The following EXOC2 variants were observed in gnomAD, a reference collection of about 807,000 sequenced individuals.
The protein encoded by EXOC2 is SEC5-like 1.
Under a neutral mutation model 131.8 loss-of-function variants are expected in EXOC2, and 70 were observed. That is an observed-to-expected ratio of 0.53 (90% confidence interval 0.44 to 0.65). The LOEUF (loss-of-function observed/expected upper bound fraction) is 0.65, where lower values mean the gene tolerates loss of function less well. Among genes scored for constraint, EXOC2 ranks in the 30% least tolerant of loss-of-function variants. The probability of loss-of-function intolerance (pLI) is 0.00; values close to 1 mark genes in which losing one functional copy is unlikely to be tolerated. For missense variants in EXOC2, 923 were observed against 1,108.6 expected (o/e 0.83, Z 2.38); for synonymous variants, 411 against 398.4 (o/e 1.03, Z -0.38).
At position 556,484 on chromosome 6, in the gene EXOC2, A is replaced by G. The variant is rs1346000082; in HGVS notation, c.1932T>C (p.Ser644=). ...GTCCAAGCGGAGCTGGAATACTTAC[A>G]CTGGCCTCTCCCGGCTTGCACTCCA... ...GVLECKPGEA[S]VFQQPKTQEE... Residue 644 remains serine, a splice_region_variant and synonymous_variant, in exon 18 of 28, where the codon AGT becomes AGC. Transcript: ENST00000230449. The G allele has an allele frequency of 6.2e-7, 1 of 1,613,896 alleles. No homozygotes were observed.
chr6:636,586 T>C (rs1222722954), intron 2 of EXOC2, among the ~76,000 whole-genome samples: 3 of 152,198 alleles, frequency 2.0e-5, no homozygotes, highest in Admixed American at 6.5e-5. Context: ...AAAACCAATC[T>C]ATCAACCAGC....
intron 25 of EXOC2, among the ~76,000 whole-genome samples, chr6:491,687 G>C (rs1763443870): frequency 1.3e-5 from 2 of 152,100 alleles, no homozygotes; most frequent in Admixed American, 1.3e-4. Flanking sequence ...TAAAATCACA[G>C]CTGCTTTTTT....
intron 23 of EXOC2, among the ~76,000 whole-genome samples, chr6:517,219 C>A (rs150684760): frequency 4.6e-5 from 7 of 152,038 alleles, no homozygotes; most frequent in Non-Finnish European, 8.8e-5. Context: ...TTCCTCCCAA[C>A]GGCTGATTCT....
intron 25 of EXOC2, among the ~76,000 whole-genome samples, chr6:493,387 GA>G (rs1377542648): frequency 1.3e-5 from 2 of 152,034 alleles, no homozygotes; most frequent in Non-Finnish European, 2.9e-5. Context: ...GACCTACCAG[GA>G]AAAAAGGTAG....
At chr6:682,096 C>G (rs951911617) in intron 1 of EXOC2, among the ~76,000 whole-genome samples, 2 of 152,212 alleles carry the variant, frequency 1.3e-5, no homozygotes, top group African/African-American at 4.8e-5. Flanking sequence ...TGACACAGCA[C>G]TGCAGAAAAG....
Position 555,990 on chromosome 6 carries a change from C to T in EXOC2, c.1956G>A (p.Gln652=). ...TGATGCTTAGCTGGCAAACCTCCTCCTGTGTTTTAGGTTGTTGGAAGACCT... is the reference window on the plus strand; with the variant it reads ...TGATGCTTAGCTGGCAAACCTCCTCTTGTGTTTTAGGTTGTTGGAAGACCT... ...EASVFQQPKT[Q]EEVCQLSINI... Residue 652 remains glutamine, a synonymous_variant, in exon 19 of 28, where the codon CAG becomes CAA. Coordinates refer to ENST00000230449, the MANE Select transcript of EXOC2 (RefSeq NM_018303.6). 6.2e-7 allele frequency: 1 copy of T among 1,614,118 alleles called. No homozygotes were observed. The highest frequency in any genetic ancestry group is 8.5e-7 in the Non-Finnish European group (1 of 1,180,008).
chr6:567,376 A>G (rs1758022987), intron 13 of EXOC2, among the ~76,000 whole-genome samples: 1 of 152,188 alleles, frequency 6.6e-6, no homozygotes, highest in African/African-American at 2.4e-5. Flanking sequence ...TATCACCTCC[A>G]GAGAGCGGCC....
chr6:621,156 C>T (rs983932435), intron 4 of EXOC2, among the ~76,000 whole-genome samples: 1 of 152,216 alleles, frequency 6.6e-6, no homozygotes, highest in African/African-American at 2.4e-5. Flanking sequence ...GGTGCTTGCA[C>T]ACCTGGACAT....
At chr6:614,422 G>A (rs1015653615) in intron 6 of EXOC2, among the ~76,000 whole-genome samples, 1 of 152,210 alleles carries the variant, frequency 6.6e-6, no homozygotes, top group African/African-American at 2.4e-5. Flanking sequence ...ATTCCACTGG[G>A]AGACTACTGG....
intron 21 of EXOC2, among the ~76,000 whole-genome samples, chr6:551,529 CGCG>C (rs1026802197): frequency 1.9e-4 from 29 of 152,164 alleles, no homozygotes; most frequent in African/African-American, 7.0e-4. Flanking sequence ...TGAGAGCTGC[CGCG>C]TCACAGGGAG....
intron 1 of EXOC2, among the ~76,000 whole-genome samples, chr6:664,778 A>G (rs1763565626): frequency 6.6e-6 from 1 of 152,254 alleles, no homozygotes; most frequent in Non-Finnish European, 1.5e-5. Context: ...CACCTTATAC[A>G]AAAATCAACT....
rs201927192 is a variant in EXOC2, at chr6:656,281, C to A, written c.-43-18420G>T. On this transcript the variant is annotated intron_variant, in intron 1 of 27. Coordinates refer to ENST00000230449, the MANE Select transcript of EXOC2 (RefSeq NM_018303.6). The stretch of plus-strand genomic sequence containing the variant: ...CGCACTTGCACCATGCTCTCCAGGT[C>A]TCTGTTTTCAGGCACACCCACAGCC... The A allele has an allele frequency of 6.2e-7, 1 of 1,614,190 alleles. No homozygotes were observed. The highest frequency in any genetic ancestry group is 1.1e-5 in the South Asian group (1 of 91,080).
At chr6:545,677 A>T (rs1486168452) in intron 22 of EXOC2, among the ~76,000 whole-genome samples, 1 of 152,264 alleles carries the variant, frequency 6.6e-6, no homozygotes, top group Admixed American at 6.5e-5. Flanking sequence ...CCAAAAAGCT[A>T]TCTGGCAATA....
intron 7 of EXOC2, among the ~76,000 whole-genome samples, chr6:608,945 T>C (rs571522951): frequency 6.6e-6 from 1 of 152,362 alleles, no homozygotes; most frequent in East Asian, 1.9e-4. Flanking sequence ...AGTGTTTGAG[T>C]TAAATTCAGA....
At chr6:675,717 T>C (rs1764088855) in intron 1 of EXOC2, among the ~76,000 whole-genome samples, 1 of 112,460 alleles carries the variant, frequency 8.9e-6, no homozygotes, top group Non-Finnish European at 1.9e-5. Context: ...CGGTTCCCCA[T>C]ACTCTTCAAC....
At chr6:675,458 C>T (rs1257651255) in intron 1 of EXOC2, among the ~76,000 whole-genome samples, 1 of 152,208 alleles carries the variant, frequency 6.6e-6, no homozygotes, top group African/African-American at 2.4e-5. Flanking sequence ...GAGACGTGTT[C>T]TCCATTCTAA....
chr6:509,331 A>C (rs1346905720), intron 23 of EXOC2, among the ~76,000 whole-genome samples: 3 of 152,194 alleles, frequency 2.0e-5, no homozygotes, highest in Non-Finnish European at 2.9e-5. Context: ...CAGAAGTGGA[A>C]TTGCTGAGTG....
chr6:626,932 T>C (rs1761605127), intron 4 of EXOC2, among the ~76,000 whole-genome samples: 1 of 152,174 alleles, frequency 6.6e-6, no homozygotes, highest in African/African-American at 2.4e-5. Flanking sequence ...CAAATAATAC[T>C]AAAACCCTAT....
intron 10 of EXOC2, among the ~76,000 whole-genome samples, chr6:597,584 C>A (rs1581522257): frequency 6.6e-6 from 1 of 152,214 alleles, no homozygotes; most frequent in Non-Finnish European, 1.5e-5. Context: ...AAGGTTAAAA[C>A]CTTCCAGAAC....
Sources: allele counts gnomAD v4.1 joint callset (sites outside exome capture counted in the v4.1 genomes callset), GRCh38; gene constraint gnomAD v4.1.1; transcripts MANE v1.5; gene names NCBI Gene and HGNC (gene_info 2026-07-23, HGNC 2026-07-21).